The following ITFG1 variants were observed in gnomAD, a reference collection of about 807,000 sequenced individuals.
ITFG1 encodes T-cell immunomodulatory protein.
In ITFG1, 34 loss-of-function variants were observed where a neutral mutation model predicts 81.8. The observed-to-expected ratio is 0.42, with a 90% CI of 0.32 to 0.55. The LOEUF is 0.55. Ranked by LOEUF, ITFG1 falls within the 20% of genes least tolerant of loss-of-function variation. ITFG1 has a pLI of 0.17. For missense variants in ITFG1, 672 were observed against 755.4 expected (o/e 0.89, Z 1.29); for synonymous variants, 285 against 270.6 (o/e 1.05, Z -0.52).
chr16:47,197,594 C>T (rs145359947), intron 14 of ITFG1, among the ~76,000 whole-genome samples: 394 of 152,340 alleles, frequency 2.6e-3, no homozygotes, highest in Middle Eastern at 0.02. Context: ...GAATGTTCCC[C>T]GGGCCATGGT....
chr16:47,363,618 A>T (rs1968137897), intron 8 of ITFG1, among the ~76,000 whole-genome samples: 1 of 152,238 alleles, frequency 6.6e-6, no homozygotes, highest in African/African-American at 2.4e-5. Flanking sequence ...TATGATAAAA[A>T]TAACACTTTT....
intron 10 of ITFG1, among the ~76,000 whole-genome samples, chr16:47,294,726 C>A (rs1463934553): frequency 6.6e-6 from 1 of 151,978 alleles, no homozygotes; most frequent in Non-Finnish European, 1.5e-5. Context: ...TGTAACTATA[C>A]TAGATTTGTT....
intron 14 of ITFG1, among the ~76,000 whole-genome samples, chr16:47,191,339 T>C (rs749590047): frequency 2.6e-5 from 4 of 151,912 alleles, no homozygotes; most frequent in Admixed American, 1.3e-4. Flanking sequence ...TGGCCCAGGG[T>C]GGCTTTGAAT....
intron 8 of ITFG1, among the ~76,000 whole-genome samples, chr16:47,321,029 CA>C (rs1967440402): frequency 6.6e-6 from 1 of 152,116 alleles, no homozygotes; most frequent in East Asian, 1.9e-4. Flanking sequence ...AGTTCAAAAA[CA>C]AAAATAAATC....
intron 8 of ITFG1, among the ~76,000 whole-genome samples, chr16:47,320,586 C>T (rs2151568335): frequency 6.6e-6 from 1 of 152,298 alleles, no homozygotes; most frequent in South Asian, 2.1e-4. Flanking sequence ...ATCTCTTTCA[C>T]TTTGTCTTTT....
chr16:47,307,912 C>T (rs1341861019), intron 10 of ITFG1, among the ~76,000 whole-genome samples: 6 of 152,128 alleles, frequency 3.9e-5, no homozygotes, highest in Non-Finnish European at 7.4e-5. Context: ...TTTTCTGTGC[C>T]TGTGTTAATT....
chr16:47,185,593 C>G (rs1329211258), intron 14 of ITFG1, among the ~76,000 whole-genome samples: 9 of 152,186 alleles, frequency 5.9e-5, no homozygotes, highest in Non-Finnish European at 1.3e-4. Context: ...ACCAGAATCT[C>G]TGGGACACAT....
At chr16:47,434,090 C>A (rs949511286) in intron 5 of ITFG1, among the ~76,000 whole-genome samples, 1 of 150,376 alleles carries the variant, frequency 6.6e-6, no homozygotes, top group Non-Finnish European at 1.5e-5. Context: ...AATATAAAAC[C>A]TAAACTATAA....
At position 47,313,718 on chromosome 16, in the gene ITFG1, A is replaced by G. The variant is rs1316100436; in HGVS notation, c.897+11T>C. 2 of 1,463,108 alleles carry G rather than the reference A, an allele frequency of 1.4e-6. No individual in the cohort carries two copies. The highest frequency in any genetic ancestry group is 1.4e-5 in the African/African-American group (1 of 69,946). 90.6% of individuals were successfully genotyped at this position (1,463,108 alleles called of 1,614,324 possible). On this transcript the variant is annotated intron_variant, in intron 9 of 17. Coordinates refer to ENST00000320640, the MANE Select transcript of ITFG1 (RefSeq NM_030790.5). ...AAAAAAAATGTTTACATTAAAAACAACTTGATATACCTGCTTCATCCCAGA... is the reference window on the plus strand; with the variant it reads ...AAAAAAAATGTTTACATTAAAAACAGCTTGATATACCTGCTTCATCCCAGA...
chr16:47,415,486 G>A lies in ITFG1; in HGVS notation c.655+13318C>T, dbSNP rs1174764382. On this transcript the variant is annotated intron_variant, in intron 6 of 17. Coordinates refer to ENST00000320640, the MANE Select transcript of ITFG1 (RefSeq NM_030790.5). ...TGGAAAACTGTAGCAGAGATGAATC[G>A]GAATTGCCTGTGGTTGTATATAAAT... Among the ~76,000 whole-genome samples the A allele has an allele frequency of 3.9e-5, 6 of 152,108 alleles. No individual in the cohort carries two copies. In the East Asian group the frequency reaches 5.8e-4, roughly 15 times the overall value.
intron 14 of ITFG1, among the ~76,000 whole-genome samples, chr16:47,188,786 C>G (rs915603473): frequency 4.6e-5 from 7 of 151,208 alleles, no homozygotes; most frequent in Non-Finnish European, 8.8e-5. Flanking sequence ...AAAAAAAATA[C>G]AAAAAAAGTG....
At chr16:47,329,168 T>A (rs1178220299) in intron 8 of ITFG1, among the ~76,000 whole-genome samples, 1 of 152,072 alleles carries the variant, frequency 6.6e-6, no homozygotes, top group Admixed American at 6.6e-5. Flanking sequence ...ATCCTAACAA[T>A]CTAGGATTTT....
chr16:47,178,934 C>A (rs1429241476), intron 14 of ITFG1, among the ~76,000 whole-genome samples: 15 of 152,206 alleles, frequency 9.9e-5, no homozygotes, highest in Non-Finnish European at 1.8e-4. Flanking sequence ...ACAGACACTT[C>A]TCAAAAGAAG....
At chr16:47,229,652 C>A (rs929470574) in intron 13 of ITFG1, among the ~76,000 whole-genome samples, 2 of 147,474 alleles carry the variant, frequency 1.4e-5, no homozygotes, top group Non-Finnish European at 1.5e-5. Context: ...AGAGAAGGGA[C>A]AGTTGTGGGG....
intron 13 of ITFG1, among the ~76,000 whole-genome samples, chr16:47,234,319 A>C (rs893235761): frequency 6.6e-6 from 1 of 152,164 alleles, no homozygotes; most frequent in African/African-American, 2.4e-5. Flanking sequence ...AAGAATCAAA[A>C]CGAAATAGAA....
At chr16:47,196,801 CA>C (rs1192320012) in intron 14 of ITFG1, 1 of 152,070 alleles carries the variant, frequency 6.6e-6, no homozygotes, top group East Asian at 1.9e-4. Context: ...ACTGAAAAAA[CA>C]AAAATTAATC....
chr16:47,313,359 T>C (rs1275930812), intron 9 of ITFG1, among the ~76,000 whole-genome samples: 4 of 152,164 alleles, frequency 2.6e-5, no homozygotes, highest in Non-Finnish European at 5.9e-5. Flanking sequence ...CAGCATGAGA[T>C]AATAAAATAG....
At chr16:47,342,565 A>G (rs1015306036) in intron 8 of ITFG1, among the ~76,000 whole-genome samples, 1 of 152,126 alleles carries the variant, frequency 6.6e-6, no homozygotes, top group East Asian at 1.9e-4. Context: ...AACTATCTCT[A>G]TTTAGAGATG....
chr16:47,378,328 T>G (rs1968352848), intron 6 of ITFG1, among the ~76,000 whole-genome samples: 4 of 152,240 alleles, frequency 2.6e-5, no homozygotes. Context: ...GTCTGGTGTC[T>G]TGATAAGGCA....
Sources: gnomAD v4.1 joint callset for allele counts (sites outside exome capture counted in the v4.1 genomes callset) on GRCh38, gnomAD v4.1.1 for gene constraint, MANE v1.5 for transcripts, NCBI Gene and HGNC (gene_info 2026-07-23, HGNC 2026-07-21) for gene names.